The following ZNF225 variants were observed in gnomAD, a reference collection of about 807,000 sequenced individuals.
The protein encoded by ZNF225 is zinc finger protein 225.
In ZNF225, 6 loss-of-function variants were observed where a neutral mutation model predicts 12.0. The ratio of observed to expected loss-of-function variants is 0.50; its 90% CI spans 0.27 to 0.98. ZNF225 has a LOEUF of 0.98. Ranked by LOEUF, ZNF225 falls within the 50% of genes least tolerant of loss-of-function variation. The pLI is 0.11. For synonymous variants in ZNF225, 271 were observed against 283.2 expected, an observed-to-expected ratio of 0.96 and a Z score of 0.43; for missense variants, 763 against 848.2, an observed-to-expected ratio of 0.90 and a Z score of 1.25.
chr19:44,113,150 G>C (rs996168294), upstream of ZNF225: 2 of 152,456 alleles, frequency 1.3e-5, no homozygotes, highest in Non-Finnish European at 2.9e-5. Context: ...GTACACACTG[G>C]CTCCAGAAGG....
At chr19:44,126,259 T>C (rs1968143874) in intron 4 of ZNF225, among the ~76,000 whole-genome samples, 1 of 152,168 alleles carries the variant, frequency 6.6e-6, no homozygotes, top group Admixed American at 6.5e-5. Flanking sequence ...CTCCCCCTTT[T>C]CCTATGGATG....
At chr19:44,124,075 G>A (rs575957832) in intron 4 of ZNF225, among the ~76,000 whole-genome samples, 2 of 151,810 alleles carry the variant, frequency 1.3e-5, no homozygotes. Context: ...GTTTGTTCTT[G>A]TTTCTCTAGT....
rs1968342680 is a variant in ZNF225 at position 44,134,070 on chromosome 19, A to T, written c.*1335A>T. ...GATTTGCTAAGAGGACTCAGAATAT[A>T]GTTGTACTCATGACTATATTATAGT... On this transcript the variant is annotated 3_prime_UTR_variant, in exon 5 of 5. Coordinates refer to ENST00000262894, the MANE Select transcript of ZNF225 (RefSeq NM_013362.4). The T allele has an allele frequency of 6.6e-6, 1 of 152,160 alleles. No homozygotes were observed. Among genetic ancestry groups the T allele is most frequent in the African/African-American group, 2.4e-5 (1 of 41,434 alleles). 9.4% of individuals were successfully genotyped at this position (152,160 alleles called of 1,614,324 possible).
At chr19:44,124,861 A>T (rs981028092) in intron 4 of ZNF225, among the ~76,000 whole-genome samples, 6 of 152,286 alleles carry the variant, frequency 3.9e-5, no homozygotes, top group African/African-American at 9.6e-5. Context: ...GTCCATTTGC[A>T]TAAAATGCCT....
At chr19:44,120,919 C>T (rs1053880146) in intron 4 of ZNF225, among the ~76,000 whole-genome samples, 2 of 149,896 alleles carry the variant, frequency 1.3e-5, no homozygotes, top group Admixed American at 1.3e-4. Context: ...TTTTTTTAAG[C>T]AGAGTCTCGC....
At position 44,131,697 on chromosome 19, in the gene ZNF225, G is replaced by A. The variant is rs1968264240; in HGVS notation, c.1083G>A (p.Lys361=). The A allele has an allele frequency of 1.9e-6, 3 of 1,613,980 alleles. No homozygotes were observed. The South Asian group carries it at 3.3e-5, about 18-fold the overall frequency. The change falls in exon 5 of 5, where the codon AAG becomes AAA. Residue 361 remains lysine (K), a synonymous_variant. Transcript: ENST00000262894. ...TCATTTATAGGCAAGATCTTTATAA[G>A]CATCAGATAGACCACACAGGGGAGA... ...KRFIYRQDLY[K]HQIDHTGEKP... is the part of the protein sequence containing the mutation.
In ZNF225 at chr19:44,132,871, A is replaced by C. The variant is rs1968316987; in HGVS notation, c.*136A>C. On this transcript the variant is annotated 3_prime_UTR_variant, in exon 5 of 5. Transcript: ENST00000262894. ...TTTATGTTGGGAACCCTTAAAATTC[A>C]CTGTCCTAGCTATTTGAAAATAATA... The C allele has an allele frequency of 1.2e-6, 1 of 806,450 alleles. No individual in the cohort carries two copies. The highest frequency in any genetic ancestry group is 1.9e-6 in the Non-Finnish European group (1 of 532,528). 50.0% of individuals were successfully genotyped at this position (806,450 alleles called of 1,614,324 possible). A position where few individuals can be genotyped will look rare whatever the true frequency, so the allele number is the denominator to read the frequency against.
At chr19:44,127,267 C>A (rs1463888712) in intron 4 of ZNF225, among the ~76,000 whole-genome samples, 1 of 152,234 alleles carries the variant, frequency 6.6e-6, no homozygotes, top group African/African-American at 2.4e-5. Context: ...ATTGACTCAG[C>A]TCCAGGTAAG....
chr19:44,131,171 G>T lies in ZNF225; in HGVS notation c.557G>T (p.Cys186Phe), dbSNP rs748338681. The change falls in exon 5 of 5, where the codon TGT (cysteine) becomes TTT (phenylalanine). Residue 186 changes from cysteine to phenylalanine, a missense_variant. Cys to Phe is a radical substitution (Grantham distance 205). Transcript: ENST00000262894. ...TGTGATGAATGTGGAAAGAGTTTCT[G>T]TTATAGCTCAGCTCTTCGTATTCAT... ...HTCDECGKSF[C>F]YSSALRIHQR... is the part of the protein sequence containing the mutation. The T allele has an allele frequency of 4.3e-6, 7 of 1,614,070 alleles. No homozygotes were observed. The highest frequency in any genetic ancestry group is 5.9e-6 in the Non-Finnish European group (7 of 1,180,048).
intron 4 of ZNF225, among the ~76,000 whole-genome samples, chr19:44,121,893 T>C (rs1568539062): frequency 6.6e-6 from 1 of 152,270 alleles, no homozygotes; most frequent in African/African-American, 2.4e-5. Flanking sequence ...TTCTGGATAT[T>C]AGTCCTTTGT....
At chr19:44,116,050 C>T (rs2300962) in intron 2 of ZNF225, among the ~76,000 whole-genome samples, 118,804 of 151,950 alleles carry the variant, frequency 0.78, 47,364 homozygotes, top group Non-Finnish European at 0.88. Context: ...TTAGTAGAGA[C>T]GGGGTTTCAT....
At chr19:44,118,954 A>C (rs111737857) in intron 4 of ZNF225, among the ~76,000 whole-genome samples, 4,657 of 151,848 alleles carry the variant, frequency 0.031, 241 homozygotes, top group African/African-American at 0.1. Flanking sequence ...GTAGCTGGGA[A>C]TACAGATGCC....
rs532234094 is a variant in ZNF225 at position 44,118,586 on chromosome 19, G to T, written c.235+12G>T. 3 of 1,608,616 alleles carry T rather than the reference G, an allele frequency of 1.9e-6. No individual in the cohort carries two copies. The Admixed American group carries it at 5.0e-5, about 27-fold the overall frequency. Reference sequence around the variant, plus strand: ...AGAAGGGAATTTAGGTAAGAAGCAAGCAACTCTGTGTCCTTGTGCGTGACT... The same window carrying T: ...AGAAGGGAATTTAGGTAAGAAGCAATCAACTCTGTGTCCTTGTGCGTGACT... On this transcript the variant is annotated intron_variant, in intron 4 of 4. Transcript: ENST00000262894.
At chr19:44,129,770 T>C (rs1225462739) in intron 4 of ZNF225, 3 of 152,200 alleles carry the variant, frequency 2.0e-5, no homozygotes, top group Non-Finnish European at 4.4e-5. Context: ...CTAGACCTAC[T>C]ACCTCCAGGC....
intron 4 of ZNF225, chr19:44,128,437 C>T (rs1968189801): frequency 6.6e-6 from 1 of 152,140 alleles, no homozygotes; most frequent in South Asian, 2.1e-4. Flanking sequence ...GAGACTCCTC[C>T]TTCTTCCCAA....
At position 44,118,196 on chromosome 19, in the gene ZNF225, GACC is replaced by G; in HGVS notation, c.25_27del (p.Thr9del). On this transcript the variant is annotated inframe_deletion, in exon 3 of 5. Coordinates refer to ENST00000262894, the MANE Select transcript of ZNF225 (RefSeq NM_013362.4). ...TATGTTCGATGCTGTAGGAGGCAGT[GACC>G]TTCAAGGACGTGGCTGTGGTCTTCA... 4 of 1,611,990 alleles carry G rather than the reference GACC, an allele frequency of 2.5e-6. No homozygotes were observed. The highest frequency in any genetic ancestry group is 3.4e-6 in the Non-Finnish European group (4 of 1,179,048).
Position 44,118,910 on chromosome 19 carries a change from G to T in ZNF225, c.235+336G>T, listed in dbSNP as rs543482602. Among the ~76,000 whole-genome samples, 10 of 151,288 alleles carry T rather than the reference G, an allele frequency of 6.6e-5. No individual in the cohort carries two copies. The South Asian group carries it at 2.1e-3, about 32-fold the overall frequency. On this transcript the variant is annotated intron_variant, in intron 4 of 4. Coordinates refer to ENST00000262894, the MANE Select transcript of ZNF225 (RefSeq NM_013362.4). ...CGGCTCACTGCAAGCTCCGCTTCCCGGGTTCACGCCATTCTCCTGCCTCAG... is the reference window on the plus strand; with the variant it reads ...CGGCTCACTGCAAGCTCCGCTTCCCTGGTTCACGCCATTCTCCTGCCTCAG...
chr19:44,120,983 G>A (rs1172696007), intron 4 of ZNF225, among the ~76,000 whole-genome samples: 7 of 151,656 alleles, frequency 4.6e-5, no homozygotes, highest in East Asian at 1.9e-4. Context: ...TGCAGGCTCC[G>A]CCTCCCAGGT....
chr19:44,133,345 T>G lies in ZNF225; in HGVS notation c.*610T>G, dbSNP rs1968326815. The G allele has an allele frequency of 1.3e-5, 2 of 152,252 alleles. No individual in the cohort carries two copies. Among genetic ancestry groups the G allele is most frequent in the Admixed American group, 1.3e-4 (2 of 15,276 alleles). 9.4% of individuals were successfully genotyped at this position (152,252 alleles called of 1,614,324 possible). On this transcript the variant is annotated 3_prime_UTR_variant, in exon 5 of 5. Transcript: ENST00000262894. ...GAGATAACACTTTAACATACTGATT[T>G]CCTTTTCTTTGGATATGTACCAAGT...
Sources: gnomAD v4.1 joint callset for allele counts (sites outside exome capture counted in the v4.1 genomes callset) on GRCh38, gnomAD v4.1.1 for gene constraint, MANE v1.5 for transcripts, NCBI Gene and HGNC (gene_info 2026-07-23, HGNC 2026-07-21) for gene names.